RBFOX1: variants seen among roughly 807,000 people sequenced by gnomAD.
RBFOX1 encodes the protein RNA binding fox-1 homolog 1.
A neutral mutation model predicts 57.7 loss-of-function variants in RBFOX1; 8 were observed. The ratio of observed to expected loss-of-function variants is 0.14; its 90% CI spans 0.08 to 0.25. RBFOX1 has a LOEUF of 0.25. Among genes scored for constraint, RBFOX1 ranks in the 10% least tolerant of loss-of-function variants. The probability of loss-of-function intolerance (pLI) is 1.00; values close to 1 mark genes in which losing one functional copy is unlikely to be tolerated. For synonymous variants in RBFOX1, 326 were observed against 222.4 expected (o/e 1.47, Z -4.15); for missense variants, 611 against 548.5 (o/e 1.11, Z -1.14).
At chr16:6,935,400 C>T (rs1240017970) in intron 3 of RBFOX1, among the ~76,000 whole-genome samples, 1 of 152,158 alleles carries the variant, frequency 6.6e-6, no homozygotes, top group African/African-American at 2.4e-5. Flanking sequence ...CATGTGACTT[C>T]CAACAGTAGA....
At position 6,283,293 on chromosome 16, in the gene RBFOX1, C is replaced by A. The variant is rs192461162; in HGVS notation, c.-126-33702C>A. ...AGTGAGCTGTGATGGCACTCTGTACCCAACCTGGATTACAGAGCAAGACCT... is the reference window on the plus strand; with the variant it reads ...AGTGAGCTGTGATGGCACTCTGTACACAACCTGGATTACAGAGCAAGACCT... On this transcript the variant is annotated intron_variant, in intron 1 of 15. Coordinates refer to ENST00000550418, the MANE Select transcript of RBFOX1 (RefSeq NM_018723.4). 1.0e-3 allele frequency among the ~76,000 whole-genome samples: 155 copies of A among 152,148 alleles called. No homozygotes were observed. The East Asian group carries it at 0.024, about 24-fold the overall frequency.
intron 2 of RBFOX1, among the ~76,000 whole-genome samples, chr16:6,521,853 C>G (rs1036776655): frequency 6.6e-6 from 1 of 152,044 alleles, no homozygotes; most frequent in Non-Finnish European, 1.5e-5. Context: ...AGAGTTAGGA[C>G]TAAGAAATGA....
chr16:6,634,629 A>G (rs1221397584), intron 2 of RBFOX1, among the ~76,000 whole-genome samples: 1 of 146,466 alleles, frequency 6.8e-6, no homozygotes, highest in Non-Finnish European at 1.5e-5. Context: ...AGTATTATAT[A>G]AATGGAAATT....
intron 4 of RBFOX1, among the ~76,000 whole-genome samples, chr16:7,125,399 C>T (rs1365002572): frequency 2.0e-5 from 3 of 152,196 alleles, no homozygotes; most frequent in Non-Finnish European, 2.9e-5. Flanking sequence ...TACCTTGTCA[C>T]TAGCGTCAAC....
chr16:5,977,961 C>T (rs1596331818), intron 4 of RBFOX1, among the ~76,000 whole-genome samples: 1 of 151,888 alleles, frequency 6.6e-6, no homozygotes, highest in Non-Finnish European at 1.5e-5. Flanking sequence ...GCCATGCTGG[C>T]TTCAATTCCC....
intron 1 of RBFOX1, among the ~76,000 whole-genome samples, chr16:5,357,509 A>G (rs1211338349): frequency 6.6e-6 from 1 of 152,230 alleles, no homozygotes; most frequent in Non-Finnish European, 1.5e-5. Flanking sequence ...AGGATTCCCC[A>G]CCAGAATGGA....
rs141652532 is a variant in RBFOX1, at chr16:7,076,715, C to G, written c.27+24617C>G. Among the ~76,000 whole-genome samples the G allele has an allele frequency of 1.0e-3, 157 of 152,272 alleles. 1 individual carries two copies. Among genetic ancestry groups the G allele is most frequent in the African/African-American group, 3.7e-3 (154 of 41,558 alleles). On this transcript the variant is annotated intron_variant, in intron 4 of 15. Transcript: ENST00000550418. ...AATTCTAAATACCACCTTCCCATTTCTAACCAAGATGTTCACTCGTAACAG... is the reference window on the plus strand; with the variant it reads ...AATTCTAAATACCACCTTCCCATTTGTAACCAAGATGTTCACTCGTAACAG...
chr16:6,630,851 C>T (rs1188703822), intron 2 of RBFOX1, among the ~76,000 whole-genome samples: 1 of 152,104 alleles, frequency 6.6e-6, no homozygotes, highest in Admixed American at 6.5e-5. Context: ...GGCAGTAGTC[C>T]TCAAACCCCA....
intron 1 of RBFOX1, among the ~76,000 whole-genome samples, chr16:5,440,125 T>C (rs543686726): frequency 1.5e-4 from 23 of 152,310 alleles, no homozygotes; most frequent in Admixed American, 1.4e-3. Flanking sequence ...ACTATATCAG[T>C]GGGATAATGT....
intron 3 of RBFOX1, among the ~76,000 whole-genome samples, chr16:5,644,096 C>T (rs911658675): frequency 2.6e-5 from 4 of 152,134 alleles, no homozygotes; most frequent in Non-Finnish European, 5.9e-5. Flanking sequence ...GCAGAATGAG[C>T]CCATTAACCA....
intron 1 of RBFOX1, among the ~76,000 whole-genome samples, chr16:5,260,131 G>A (rs888131087): frequency 9.9e-5 from 15 of 152,226 alleles, no homozygotes; most frequent in Non-Finnish European, 2.2e-4. Context: ...AGCCTGGGAG[G>A]TGGAGGTTTG....
chr16:5,860,870 GGTCGTTCTT>G (rs1220045083), intron 3 of RBFOX1, among the ~76,000 whole-genome samples: 2 of 152,172 alleles, frequency 1.3e-5, no homozygotes, highest in African/African-American at 4.8e-5. Flanking sequence ...CATCTTTGAT[GGTCGTTCTT>G]CTGGGCTTAT....
chr16:6,218,848 A>G (rs1436365077), intron 1 of RBFOX1, among the ~76,000 whole-genome samples: 1 of 45,646 alleles, frequency 2.2e-5, no homozygotes. Flanking sequence ...AGACAATTGA[A>G]GCCAGAAAAA....
At chr16:7,396,562 T>G (rs1353269536) in intron 4 of RBFOX1, among the ~76,000 whole-genome samples, 3 of 152,202 alleles carry the variant, frequency 2.0e-5, no homozygotes, top group South Asian at 2.1e-4. Flanking sequence ...TGCTGAGTTC[T>G]CATTCTGGAC....
chr16:6,158,290 C>T (rs932750030), intron 1 of RBFOX1, among the ~76,000 whole-genome samples: 1 of 152,196 alleles, frequency 6.6e-6, no homozygotes, highest in Non-Finnish European at 1.5e-5. Flanking sequence ...TTCTGCATCA[C>T]AGGCGATGCA....
upstream of RBFOX1, among the ~76,000 whole-genome samples, chr16:6,016,781 A>T (rs2094996421): frequency 6.6e-6 from 1 of 152,222 alleles, no homozygotes; most frequent in Non-Finnish European, 1.5e-5. Context: ...CCTCTCATTT[A>T]TCTTCCAGTG....
intron 1 of RBFOX1, among the ~76,000 whole-genome samples, chr16:5,409,947 G>T (rs1567466524): frequency 1.3e-5 from 2 of 151,846 alleles, no homozygotes; most frequent in Admixed American, 6.6e-5. Flanking sequence ...ACTTGGGAAG[G>T]TGAGGTAGGA....
intron 4 of RBFOX1, among the ~76,000 whole-genome samples, chr16:7,504,753 ATTTATATATATATATATT>A (rs2072470573): frequency 1.6e-4 from 1 of 6,290 alleles, no homozygotes; most frequent in Non-Finnish European, 5.4e-4. Flanking sequence ...ATATATATAT[ATTTATATATATATATATT>A]TATATATATA....
At chr16:5,980,576 C>T (rs572383176) in intron 4 of RBFOX1, among the ~76,000 whole-genome samples, 49 of 152,278 alleles carry the variant, frequency 3.2e-4, no homozygotes, top group African/African-American at 1.1e-3. Context: ...AATTGGACTT[C>T]TTGAGTATTT....
Sources: gnomAD v4.1 joint callset for allele counts (sites outside exome capture counted in the v4.1 genomes callset) on GRCh38, gnomAD v4.1.1 for gene constraint, MANE v1.5 for transcripts, NCBI Gene and HGNC (gene_info 2026-07-23, HGNC 2026-07-21) for gene names.